PXMP4: variants seen among roughly 807,000 people sequenced by gnomAD.
PXMP4 encodes 24 kDa peroxisomal intrinsic membrane protein.
A neutral mutation model predicts 21.6 loss-of-function variants in PXMP4; 16 were observed. The ratio of observed to expected loss-of-function variants is 0.74; its 90% CI spans 0.50 to 1.13. The LOEUF (loss-of-function observed/expected upper bound fraction) is 1.13. PXMP4 is among the 50% of genes most tolerant of loss of function. The probability of loss-of-function intolerance (pLI) is 0.00; values close to 1 mark genes in which losing one functional copy is unlikely to be tolerated. For missense variants in PXMP4, 240 were observed against 277.7 expected, an observed-to-expected ratio of 0.86 and a Z score of 0.96; for synonymous variants, 127 against 123.8, an observed-to-expected ratio of 1.03 and a Z score of -0.17.
At chr20:33,716,608 G>A (rs377355300) in intron 1 of PXMP4, among the ~76,000 whole-genome samples, 3 of 152,262 alleles carry the variant, frequency 2.0e-5, no homozygotes, top group East Asian at 3.9e-4. Context: ...TCTTTCCTGT[G>A]CTAGACTGTG....
intron 2 of PXMP4, among the ~76,000 whole-genome samples, chr20:33,714,183 A>T (rs2122588541): frequency 6.6e-6 from 1 of 152,298 alleles, no homozygotes; most frequent in Admixed American, 6.5e-5. Context: ...CCAGGCCTGG[A>T]AGCTGGGCTT....
intron 3 of PXMP4, among the ~76,000 whole-genome samples, chr20:33,709,046 A>G (rs761755788): frequency 1.7e-4 from 26 of 152,218 alleles, no homozygotes; most frequent in Non-Finnish European, 3.2e-4. Context: ...CTCACGCTGC[A>G]CTTTGGGAGA....
At chr20:33,714,514 C>T (rs575466935) in intron 2 of PXMP4, among the ~76,000 whole-genome samples, 160 bp downstream of exon 2, 33 of 145,268 alleles carry the variant, frequency 2.3e-4, no homozygotes, top group African/African-American at 7.8e-4. Context: ...GAGACTCCAT[C>T]TCAACAACAA....
At chr20:33,719,218 T>C (rs2018420381) in intron 1 of PXMP4, among the ~76,000 whole-genome samples, 1 of 152,198 alleles carries the variant, frequency 6.6e-6, no homozygotes, top group African/African-American at 2.4e-5. Context: ...TTCACACATA[T>C]TGACTCAATC....
chr20:33,718,210 G>C (rs1714851299), intron 1 of PXMP4, among the ~76,000 whole-genome samples: 1 of 151,964 alleles, frequency 6.6e-6, no homozygotes, highest in African/African-American at 2.4e-5. Flanking sequence ...CAAAAGACTG[G>C]AATCAAACCT....
In PXMP4 at chr20:33,706,412, C is replaced by G. The variant is rs902585396; in HGVS notation, c.*1294G>C. The G allele has an allele frequency of 6.6e-6, 1 of 150,916 alleles. No individual in the cohort carries two copies. Among genetic ancestry groups the G allele is most frequent in the African/African-American group, 2.4e-5 (1 of 41,016 alleles). 9.3% of individuals were successfully genotyped at this position (150,916 alleles called of 1,614,324 possible). ...GTCGAGACTAGCCCTAGTGACAGAG[C>G]GAGACCCTGTCGCTACTTAAAAAAA... On this transcript the variant is annotated 3_prime_UTR_variant, in exon 4 of 4. Transcript: ENST00000409299.
rs980136823 is a variant in PXMP4 at position 33,710,824 on chromosome 20, A to G, written c.177-71T>C. ...CCCAAAGGGCTTTTACGCACTGGGC[A>G]TGCCTAACAACCAGCCAAGGAGCTC... On this transcript the variant is annotated intron_variant, in intron 2 of 3. Transcript: ENST00000409299. The G allele has an allele frequency of 2.8e-6, 4 of 1,421,788 alleles. No individual in the cohort carries two copies. The African/African-American group carries it at 5.8e-5, about 20-fold the overall frequency. 88.1% of individuals were successfully genotyped at this position (1,421,788 alleles called of 1,614,324 possible).
In PXMP4 at chr20:33,720,115, C is replaced by T. The variant is rs771048384; in HGVS notation, c.93G>A (p.Lys31=). 2.7e-5 allele frequency: 44 copies of T among 1,613,592 alleles called. No individual in the cohort carries two copies. Among genetic ancestry groups the T allele is most frequent in the Non-Finnish European group, 3.6e-5 (42 of 1,179,902 alleles). Residue 31 remains lysine, a synonymous_variant, in exon 1 of 4, where the codon AAG becomes AAA. Coordinates refer to ENST00000409299, the MANE Select transcript of PXMP4 (RefSeq NM_007238.5). Reference sequence around the variant, plus strand: ...CTCACACAGCCCCGTTCCGGAAGCCCTTAAGCACGGCCAACGCAGCGTGGT... The same window carrying T: ...CTCACACAGCCCCGTTCCGGAAGCCTTTAAGCACGGCCAACGCAGCGTGGT... ...RRYHAALAVL[K]GFRNGAVYGA... is the part of the protein sequence containing the mutation.
rs1467357458 is a variant in PXMP4 at position 33,704,337 on chromosome 20, G to A, written c.*3369C>T. 6.6e-6 allele frequency: 1 copy of A among 152,344 alleles called. No homozygotes were observed. The highest frequency in any genetic ancestry group is 6.5e-5 in the Admixed American group (1 of 15,278). 9.4% of individuals were successfully genotyped at this position (152,344 alleles called of 1,614,324 possible). ...CCTTGCATGCGCAGTTCACAATAGG[G>A]TTTGCATTCCTACGAGCATCTAATG... is the stretch of plus-strand genomic sequence containing the variant. On this transcript the variant is annotated 3_prime_UTR_variant, in exon 4 of 4. Coordinates refer to ENST00000409299, the MANE Select transcript of PXMP4 (RefSeq NM_007238.5).
At chr20:33,713,463 T>C (rs1185944891) in intron 2 of PXMP4, among the ~76,000 whole-genome samples, 1 of 152,212 alleles carries the variant, frequency 6.6e-6, no homozygotes, top group Non-Finnish European at 1.5e-5. Context: ...TCTGATGCCC[T>C]TTCCCTTTTT....
chr20:33,714,619 A>C, intron 2 of PXMP4, 55 bp downstream of exon 2: 1 of 1,547,842 alleles, frequency 6.5e-7, no homozygotes, highest in Non-Finnish European at 8.9e-7. Flanking sequence ...AGCTATTACG[A>C]CTGTCCTGGC....
intron 2 of PXMP4, 82 bp downstream of exon 2, chr20:33,714,592 G>T (rs1280817846): frequency 7.3e-7 from 1 of 1,374,998 alleles, no homozygotes; most frequent in South Asian, 1.2e-5. Flanking sequence ...GGGGGGACAG[G>T]GTAGACCCAG....
intron 1 of PXMP4, among the ~76,000 whole-genome samples, chr20:33,718,680 G>C (rs1224476452): frequency 1.1e-4 from 17 of 152,084 alleles, no homozygotes. Flanking sequence ...GCATCCTTGG[G>C]TTTGAATCCC....
intron 2 of PXMP4, among the ~76,000 whole-genome samples, chr20:33,711,676 G>A (rs1046167960): frequency 6.6e-6 from 1 of 151,918 alleles, no homozygotes; most frequent in Non-Finnish European, 1.5e-5. Context: ...GGACGACAGA[G>A]ACTCTACCTT....
chr20:33,715,738 A>G lies in PXMP4; in HGVS notation c.114-1002T>C, dbSNP rs181013710. Among the ~76,000 whole-genome samples, 3 of 150,938 alleles carry G rather than the reference A, an allele frequency of 2.0e-5. No homozygotes were observed. In the East Asian group the frequency reaches 5.9e-4, roughly 30 times the overall value. ...CACTGTGCCCCGCCCCATAATTTTG[A>G]TGGAAGGAGATGGTACATGTAAAAG... On this transcript the variant is annotated intron_variant, in intron 1 of 3. Transcript: ENST00000409299.
chr20:33,707,560 A>C lies in PXMP4; in HGVS notation c.*146T>G. 12 of 1,198,726 alleles carry C rather than the reference A, an allele frequency of 1.0e-5. No homozygotes were observed. The highest frequency in any genetic ancestry group is 1.4e-5 in the Non-Finnish European group (12 of 867,464). 74.3% of individuals were successfully genotyped at this position (1,198,726 alleles called of 1,614,324 possible). On this transcript the variant is annotated 3_prime_UTR_variant, in exon 4 of 4. Transcript: ENST00000409299. ...ATACAAAGGTACCCACTGGGATTTTAAAATCAGTGTTTTTACTTCAGCAAA... is the reference window on the plus strand; with the variant it reads ...ATACAAAGGTACCCACTGGGATTTTCAAATCAGTGTTTTTACTTCAGCAAA...
intron 2 of PXMP4, among the ~76,000 whole-genome samples, chr20:33,713,097 A>G (rs543276461): frequency 6.6e-6 from 1 of 152,228 alleles, no homozygotes; most frequent in East Asian, 1.9e-4. Context: ...CTGTTAACAC[A>G]TAAGTCAAAT....
intron 1 of PXMP4, among the ~76,000 whole-genome samples, chr20:33,717,660 T>TAAAA (rs2018398410): frequency 1.1e-4 from 12 of 109,070 alleles, no homozygotes; most frequent in African/African-American, 4.9e-4. Context: ...AAAAAAAAAT[T>TAAAA]ATTAAATATT....
intron 2 of PXMP4, among the ~76,000 whole-genome samples, chr20:33,713,638 T>G (rs962897583): frequency 6.6e-6 from 1 of 152,206 alleles, no homozygotes; most frequent in African/African-American, 2.4e-5. Flanking sequence ...GTCTGGCACA[T>G]AGCAGATGCT....
Sources: gnomAD v4.1 joint callset for allele counts (sites outside exome capture counted in the v4.1 genomes callset) on GRCh38, gnomAD v4.1.1 for gene constraint, MANE v1.5 for transcripts, NCBI Gene and HGNC (gene_info 2026-07-23, HGNC 2026-07-21) for gene names.